Variants in SLF1 observed in about 807,000 individuals in gnomAD.
SLF1 encodes SMC5-SMC6 complex localization factor protein 1.
A neutral mutation model predicts 123.0 loss-of-function variants in SLF1; 105 were observed. That is an observed-to-expected ratio of 0.85 (90% CI 0.73 to 1.00). SLF1 has a LOEUF of 1.00. Ranked by LOEUF, SLF1 falls within the 50% of genes least tolerant of loss-of-function variation. The pLI is 0.00. For synonymous variants in SLF1, 434 were observed against 406.6 expected, an observed-to-expected ratio of 1.07 and a Z score of -0.81; for missense variants, 1,239 against 1,223.0, an observed-to-expected ratio of 1.01 and a Z score of -0.20.
intron 1 of SLF1, among the ~76,000 whole-genome samples, chr5:94,619,835 T>G (rs766571888): frequency 4.6e-5 from 7 of 152,198 alleles, no homozygotes; most frequent in Non-Finnish European, 8.8e-5. Context: ...TGAATTTATA[T>G]TAAAGAGTAT....
intron 1 of SLF1, among the ~76,000 whole-genome samples, chr5:94,623,383 A>C (rs1585088515): frequency 2.0e-5 from 3 of 152,326 alleles, no homozygotes; most frequent in South Asian, 2.1e-4. Flanking sequence ...TAATTACTAC[A>C]AAAGGACATT....
In SLF1 at chr5:94,653,354, G is replaced by T. The variant is rs760301345; in HGVS notation, c.965G>T (p.Cys322Phe). The change falls in exon 8 of 21, where the codon TGC (cysteine) becomes TTC (phenylalanine). Residue 322 changes from cysteine to phenylalanine, a missense_variant. Coordinates refer to ENST00000265140, the MANE Select transcript of SLF1 (RefSeq NM_032290.4). ...CGCAAGAAAGGAAAAGAAAGCAATT[G>T]CAAGAAAGGCGTTGAACATGAAAAA... ...RKRKKGKESN[C>F]KKGVEHEKIK... is the part of the protein sequence containing the mutation. The T allele has an allele frequency of 5.8e-5, 88 of 1,530,106 alleles. 1 individual carries two copies. The highest frequency in any genetic ancestry group is 1.4e-5 in the African/African-American group (1 of 70,894). The allele number at this position is 1,530,106 out of a possible 1,614,324, so 94.8% of individuals were successfully genotyped here.
intron 14 of SLF1, among the ~76,000 whole-genome samples, chr5:94,674,734 G>A (rs1028545827): frequency 1.3e-5 from 2 of 152,200 alleles, no homozygotes; most frequent in Non-Finnish European, 2.9e-5. Flanking sequence ...CAATGGCAGT[G>A]AATTTCATTG....
intron 20 of SLF1, among the ~76,000 whole-genome samples, chr5:94,693,388 C>G (rs1005092871): frequency 1.3e-5 from 2 of 151,926 alleles, no homozygotes; most frequent in Non-Finnish European, 2.9e-5. Flanking sequence ...GGCATTCAGG[C>G]CAATATTTGT....
chr5:94,687,757 T>G (rs1474074416), intron 16 of SLF1, among the ~76,000 whole-genome samples: 1 of 152,040 alleles, frequency 6.6e-6, no homozygotes, highest in African/African-American at 2.4e-5. Context: ...TTTAATTACT[T>G]TTGAGCGTAG....
At chr5:94,676,650 C>G (rs146396406) in intron 14 of SLF1, among the ~76,000 whole-genome samples, 1 of 152,260 alleles carries the variant, frequency 6.6e-6, no homozygotes, top group Non-Finnish European at 1.5e-5. Flanking sequence ...CTCCTAGATT[C>G]TAATGTCTAG....
chr5:94,625,405 AC>A lies in SLF1; in HGVS notation c.1-3405del, dbSNP rs368720852. On this transcript the variant is annotated intron_variant, in intron 1 of 20. Coordinates refer to ENST00000265140, the MANE Select transcript of SLF1 (RefSeq NM_032290.4). ...TTTATTTATTTATTTATTTTTTGAG[AC>A]AGAGTCTCGCTCTGTCACCCAGGCT... Among the ~76,000 whole-genome samples the A allele has an allele frequency of 1.1e-4, 16 of 151,480 alleles. No homozygotes were observed. The South Asian group carries it at 3.3e-3, about 32-fold the overall frequency.
At position 94,691,617 on chromosome 5, in the gene SLF1, C is replaced by T; in HGVS notation, c.2473C>T (p.Leu825Phe). ...AAATAACCAAGTGGAGAAATTGATT[C>T]TTCTTCTCTCTTTGCCAGGAATAGA... ...CINNQVEKLI[L>F]LLSLPGIDIN... Residue 825 changes from leucine to phenylalanine, a missense_variant, in exon 19 of 21, where the codon CTT becomes TTT. Physicochemically the swap from Leu to Phe is conservative, Grantham distance 22. Coordinates refer to ENST00000265140, the MANE Select transcript of SLF1 (RefSeq NM_032290.4). 3 of 1,611,470 alleles carry T rather than the reference C, an allele frequency of 1.9e-6. No individual in the cohort carries two copies. The highest frequency in any genetic ancestry group is 2.5e-6 in the Non-Finnish European group (3 of 1,179,332).
At chr5:94,691,392 C>A in intron 18 of SLF1, 172 bp from the exon 19 acceptor site, 10 of 192,804 alleles carry the variant, frequency 5.2e-5, no homozygotes, top group South Asian at 2.0e-4. Context: ...TTCCCCTTCC[C>A]ACCCCCCACC....
Position 94,695,958 on chromosome 5 carries a change from T to C in SLF1, c.*646T>C, listed in dbSNP as rs1244401665. 6.6e-6 allele frequency: 1 copy of C among 151,908 alleles called. No homozygotes were observed. The highest frequency in any genetic ancestry group is 1.5e-5 in the Non-Finnish European group (1 of 67,876). 9.4% of individuals were successfully genotyped at this position (151,908 alleles called of 1,614,324 possible). A position where few individuals can be genotyped will look rare whatever the true frequency, so the allele number is the denominator to read the frequency against. ...ATCTGTTTTATTTTAGCAATTCATA[T>C]ACAAAATGTATCTGTCGCTGCCCTA... On this transcript the variant is annotated 3_prime_UTR_variant, in exon 21 of 21. Transcript: ENST00000265140.
chr5:94,695,015 T>C lies in SLF1; in HGVS notation c.2880T>C (p.Ser960=), dbSNP rs1417765526. ...TTGAATTTGGCTCCTTTTTACTTAG[T>C]AGGATGTTGCTAAATTTTTGTTCAA... ...QQLEFGSFLL[S]RMLLNFCSIF... Residue 960 remains serine, a synonymous_variant, in exon 21 of 21, where the codon AGT becomes AGC. Coordinates refer to ENST00000265140, the MANE Select transcript of SLF1 (RefSeq NM_032290.4). 6.2e-6 allele frequency: 10 copies of C among 1,612,422 alleles called. No individual in the cohort carries two copies. Among genetic ancestry groups the C allele is most frequent in the Non-Finnish European group, 8.5e-6 (10 of 1,179,112 alleles).
At chr5:94,679,769 G>A (rs1751551966) in intron 15 of SLF1, among the ~76,000 whole-genome samples, 1 of 152,040 alleles carries the variant, frequency 6.6e-6, no homozygotes, top group Admixed American at 6.6e-5. Flanking sequence ...ATAAAGGGAG[G>A]AAGGAGTGTT....
At chr5:94,651,502 A>T (rs139287798) in intron 6 of SLF1, among the ~76,000 whole-genome samples, 200 bp from the exon 7 acceptor site, 4 of 152,230 alleles carry the variant, frequency 2.6e-5, no homozygotes, top group African/African-American at 7.2e-5. Flanking sequence ...TTAACGTACT[A>T]TAAAGCTTTG....
At chr5:94,628,046 C>T (rs980243579) in intron 1 of SLF1, among the ~76,000 whole-genome samples, 2 of 151,560 alleles carry the variant, frequency 1.3e-5, no homozygotes, top group African/African-American at 2.4e-5. Flanking sequence ...AGGCTGGTCT[C>T]GAACTCCTGA....
At chr5:94,659,690 G>A (rs1164443944) in intron 9 of SLF1, among the ~76,000 whole-genome samples, 3 of 152,204 alleles carry the variant, frequency 2.0e-5, no homozygotes, top group Admixed American at 2.0e-4. Context: ...ACACAGGCAT[G>A]TGGTCCTTGG....
rs1438621655 is a variant in SLF1 at position 94,653,425 on chromosome 5, A to G, written c.1032+4A>G. On this transcript the variant is annotated splice_donor_region_variant and intron_variant, in intron 8 of 20. Coordinates refer to ENST00000265140, the MANE Select transcript of SLF1 (RefSeq NM_032290.4). ...GCACATATATAATAGAGATCAGGTA[A>G]AGTTTGTAAGCTAAGCTATAGCTTT... The G allele has an allele frequency of 8.1e-6, 12 of 1,486,364 alleles. No homozygotes were observed. The highest frequency in any genetic ancestry group is 8.0e-6 in the Non-Finnish European group (9 of 1,125,686). 92.1% of individuals were successfully genotyped at this position (1,486,364 alleles called of 1,614,324 possible).
rs145811932 is a variant in SLF1 at position 94,670,795 on chromosome 5, A to G, written c.1662-48A>G. 7.2e-6 allele frequency: 10 copies of G among 1,383,850 alleles called. No homozygotes were observed. In the African/African-American group the frequency reaches 1.2e-4, roughly 16 times the overall value. The allele number at this position is 1,383,850 out of a possible 1,614,324, so 85.7% of individuals were successfully genotyped here. ...ACAGGAGAGATGTCAAGTAATTGTC[A>G]TGATCAAATTGGCTTAAAGATATAC... is the stretch of plus-strand genomic sequence containing the variant. On this transcript the variant is annotated intron_variant, in intron 13 of 20. Coordinates refer to ENST00000265140, the MANE Select transcript of SLF1 (RefSeq NM_032290.4).
chr5:94,653,775 T>C (rs1748037023), intron 8 of SLF1, among the ~76,000 whole-genome samples: 1 of 152,214 alleles, frequency 6.6e-6, no homozygotes, highest in African/African-American at 2.4e-5. Context: ...TGCTCTTTTG[T>C]ATAGTACAGA....
At chr5:94,673,607 T>C (rs772980724) in intron 14 of SLF1, among the ~76,000 whole-genome samples, 20 of 151,460 alleles carry the variant, frequency 1.3e-4, no homozygotes, top group Non-Finnish European at 2.8e-4. Context: ...GGAGGATTGC[T>C]TGAGCCCAGA....
Sources: gnomAD v4.1 joint callset for allele counts (sites outside exome capture counted in the v4.1 genomes callset) on GRCh38, gnomAD v4.1.1 for gene constraint, MANE v1.5 for transcripts, NCBI Gene and HGNC (gene_info 2026-07-23, HGNC 2026-07-21) for gene names.